Variants in MGA observed in about 807,000 individuals in gnomAD.
The protein encoded by MGA is MAX dimerization protein MGA.
MGA carries 40 observed loss-of-function variants against 261.1 expected under a neutral mutation model. The ratio of observed to expected loss-of-function variants is 0.15; its 90% CI spans 0.12 to 0.20. The LOEUF (loss-of-function observed/expected upper bound fraction) is 0.20, where lower values mean the gene tolerates loss of function less well. Among genes scored for constraint, MGA ranks in the 10% least tolerant of loss-of-function variants. The pLI is 1.00. For missense variants in MGA, 3,397 were observed against 3,630.5 expected, an observed-to-expected ratio of 0.94 and a Z score of 1.65; for synonymous variants, 1,302 against 1,290.6, an observed-to-expected ratio of 1.01 and a Z score of -0.19.
chr15:41,722,534 G>T (rs1015480510), intron 9 of MGA, among the ~76,000 whole-genome samples: 1 of 152,134 alleles, frequency 6.6e-6, no homozygotes, highest in African/African-American at 2.4e-5. Context: ...TATAGGAAGG[G>T]GAGGGATTGT....
intron 1 of MGA, among the ~76,000 whole-genome samples, chr15:41,631,647 C>G (rs1016533755): frequency 6.6e-6 from 1 of 151,994 alleles, no homozygotes; most frequent in African/African-American, 2.4e-5. Flanking sequence ...TGTCTTTCCA[C>G]TTAAAGGGGT....
rs756499789 is a variant in MGA at position 41,762,205 on chromosome 15, A to G, written c.7587A>G (p.Arg2529=). ...AGCAAGCACTAGAGGCACAAAAAAG[A>G]AAAAAGAAGATGGGATCAGATGAGT... is the stretch of plus-strand genomic sequence containing the variant. Residue 2529 remains arginine, a synonymous_variant, in exon 22 of 24, where the codon AGA becomes AGG. Transcript: ENST00000219905. 19 of 1,613,860 alleles carry G rather than the reference A, an allele frequency of 1.2e-5. No individual in the cohort carries two copies. In the South Asian group the frequency reaches 1.9e-4, roughly 16 times the overall value.
At chr15:41,691,630 A>G (rs1264506674) in intron 2 of MGA, 1 of 519,056 alleles carries the variant, frequency 1.9e-6, no homozygotes, top group East Asian at 5.5e-5. Context: ...ATTTTTATGC[A>G]ATCTGAATGA....
chr15:41,631,788 T>A (rs2056593512), intron 1 of MGA, among the ~76,000 whole-genome samples: 1 of 152,220 alleles, frequency 6.6e-6, no homozygotes, highest in South Asian at 2.1e-4. Context: ...ATTTGAATTA[T>A]AAAAGTGGCT....
Position 41,748,919 on chromosome 15 carries a change from G to A in MGA, c.5495G>A (p.Arg1832Gln), listed in dbSNP as rs747757361. 8.1e-6 allele frequency: 13 copies of A among 1,613,270 alleles called. No homozygotes were observed. Among genetic ancestry groups the A allele is most frequent in the Middle Eastern group, 1.7e-4 (1 of 5,984 alleles). The change falls in exon 16 of 24, where the codon CGG becomes CAG. Residue 1832 changes from arginine (R) to glutamine (Q), a missense_variant. Physicochemically the swap from Arg to Gln is conservative, Grantham distance 43. Coordinates refer to ENST00000219905, the MANE Select transcript of MGA (RefSeq NM_001164273.2). Reference sequence around the variant, plus strand: ...CCCAACTTACAGCCTGTCATGTTTCGGAACCCAGGTATAAAGTTCTTTTTT... The same window carrying A: ...CCCAACTTACAGCCTGTCATGTTTCAGAACCCAGGTATAAAGTTCTTTTTT...
intron 2 of MGA, chr15:41,684,496 G>T: frequency 2.5e-6 from 1 of 393,484 alleles, no homozygotes; most frequent in Non-Finnish European, 5.0e-6. Context: ...CATTCATCAT[G>T]TATAAAGTTT....
In MGA at chr15:41,653,416, A is replaced by C. The variant is rs771229015; in HGVS notation, c.-67-15412A>C. ...AACAAACAAACAAACAAAAAAACCCACACAAAAAATAGGTGTTCCCTGCCT... is the reference window on the plus strand; with the variant it reads ...AACAAACAAACAAACAAAAAAACCCCCACAAAAAATAGGTGTTCCCTGCCT... On this transcript the variant is annotated intron_variant, in intron 1 of 8. Coordinates refer to the MGA transcript ENST00000566718. Among the ~76,000 whole-genome samples the C allele has an allele frequency of 2.6e-5, 4 of 152,032 alleles. No homozygotes were observed. In the East Asian group the frequency reaches 7.7e-4, roughly 29 times the overall value.
At chr15:41,698,511 A>C (rs928845485) in intron 3 of MGA, among the ~76,000 whole-genome samples, 9 of 152,140 alleles carry the variant, frequency 5.9e-5, no homozygotes, top group African/African-American at 1.9e-4. Flanking sequence ...AATCCCTTCT[A>C]CCTGTTCTTT....
At chr15:41,695,187 C>CTTTTTTTT in intron 2 of MGA, among the ~76,000 whole-genome samples, 1 of 142,994 alleles carries the variant, frequency 7.0e-6, no homozygotes, top group Admixed American at 7.0e-5. Context: ...TATGTGGAAT[C>CTTTTTTTT]TTTTTTTTTT....
At chr15:41,737,161 A>T (rs1169602514) in intron 13 of MGA, among the ~76,000 whole-genome samples, 1 of 152,092 alleles carries the variant, frequency 6.6e-6, no homozygotes, top group Non-Finnish European at 1.5e-5. Context: ...AATTTTAAAA[A>T]TTTTTATTTA....
In MGA at chr15:41,750,482, G is replaced by A. The variant is rs369394208; in HGVS notation, c.6875G>A (p.Ser2292Asn). 7.4e-6 allele frequency: 12 copies of A among 1,613,972 alleles called. No homozygotes were observed. In the African/African-American group the frequency reaches 1.3e-4, roughly 18 times the overall value. The change falls in exon 17 of 24, where the codon AGC (serine) becomes AAC (asparagine). Residue 2292 changes from serine to asparagine, a missense_variant. Physicochemically the swap from Ser to Asn is conservative, Grantham distance 46. Around this residue, in one of 9 missense-constraint regions of MGA, gnomAD observed 1,410 missense variants for 1,386.4 expected, o/e 1.02. Transcript: ENST00000219905. ...AAGCAAGAGAAGAAGGGTGGGAGAAGCAGTGCTGACTTCACTGTTTTGGAT... is the reference window on the plus strand; with the variant it reads ...AAGCAAGAGAAGAAGGGTGGGAGAAACAGTGCTGACTTCACTGTTTTGGAT...
At chr15:41,656,344 T>TCTA, upstream of MGA, among the ~76,000 whole-genome samples, 1 of 60,036 alleles carries the variant, frequency 1.7e-5, no homozygotes, top group South Asian at 6.5e-4. Flanking sequence ...CTCTCCTCTC[T>TCTA]TCTCTCTCTC....
chr15:41,654,132 T>G (rs2057120536), intron 1 of MGA, among the ~76,000 whole-genome samples: 1 of 152,196 alleles, frequency 6.6e-6, no homozygotes, highest in South Asian at 2.1e-4. Context: ...CTTGGCAAAG[T>G]GACTTATACT....
intron 1 of MGA, among the ~76,000 whole-genome samples, chr15:41,642,673 G>C (rs1481772419): frequency 2.0e-5 from 3 of 151,956 alleles, no homozygotes; most frequent in African/African-American, 7.3e-5. Flanking sequence ...TAGTATTGAC[G>C]GGGTTTTACC....
chr15:41,674,923 G>A (rs1236385126), intron 2 of MGA, among the ~76,000 whole-genome samples: 6 of 152,158 alleles, frequency 3.9e-5, no homozygotes, highest in Non-Finnish European at 8.8e-5. Flanking sequence ...AATTCCAGCT[G>A]AATTTTTCTT....
chr15:41,648,242 C>G (rs992049929), intron 1 of MGA, among the ~76,000 whole-genome samples: 2 of 152,214 alleles, frequency 1.3e-5, no homozygotes, highest in African/African-American at 2.4e-5. Flanking sequence ...AAAGTGTGAA[C>G]TTTGGAGCCA....
In MGA at chr15:41,697,040, C is replaced by T. The variant is rs1009596709; in HGVS notation, c.2013+17C>T. The T allele has an allele frequency of 8.0e-6, 12 of 1,495,660 alleles. No homozygotes were observed. Among genetic ancestry groups the T allele is most frequent in the Non-Finnish European group, 1.1e-5 (12 of 1,122,828 alleles). 92.6% of individuals were successfully genotyped at this position (1,495,660 alleles called of 1,614,324 possible). On this transcript the variant is annotated intron_variant, in intron 3 of 23. Transcript: ENST00000219905. ...GAATCAAAGGTAAGATTGTAATTTT[C>T]AGGATTCTTTAAGGCTAATTAGTCA... is the stretch of plus-strand genomic sequence containing the variant.
intron 15 of MGA, among the ~76,000 whole-genome samples, chr15:41,746,972 TA>T (rs11406312): frequency 6.7e-6 from 1 of 149,446 alleles, no homozygotes; most frequent in African/African-American, 2.5e-5. Flanking sequence ...CTCTTTGATC[TA>T]AAAAAAAAAA....
At chr15:41,709,945 C>T (rs2060306486) in intron 7 of MGA, among the ~76,000 whole-genome samples, 1 of 151,964 alleles carries the variant, frequency 6.6e-6, no homozygotes, top group Admixed American at 6.6e-5. Context: ...CTTCAGCCTC[C>T]TGAGTATCTG....
Sources: gnomAD v4.1 joint callset for allele counts (sites outside exome capture counted in the v4.1 genomes callset) on GRCh38, gnomAD v4.1.1 for gene constraint, gnomAD v4.1.1 regional missense constraint, MANE v1.5 for transcripts, NCBI Gene and HGNC (gene_info 2026-07-23, HGNC 2026-07-21) for gene names.